Variants in DNAH7 observed in about 807,000 individuals in gnomAD.
DNAH7 encodes the protein dynein axonemal heavy chain 7.
DNAH7 carries 397 observed loss-of-function variants against 444.6 expected under a neutral mutation model. The ratio of observed to expected loss-of-function variants is 0.89; its 90% confidence interval spans 0.82 to 0.97. The LOEUF is 0.97. Ranked by LOEUF, DNAH7 falls within the 50% of genes least tolerant of loss-of-function variation. DNAH7 has a pLI of 0.00. For synonymous variants in DNAH7, 1,636 were observed against 1,624.4 expected (o/e 1.01, Z -0.17); for missense variants, 4,902 against 4,800.8 (o/e 1.02, Z -0.62).
intron 54 of DNAH7, among the ~76,000 whole-genome samples, chr2:195,801,973 G>T (rs1696483042): frequency 6.6e-6 from 1 of 152,118 alleles, no homozygotes; most frequent in Non-Finnish European, 1.5e-5. Context: ...ATGCCTGATA[G>T]CATGGACCTA....
chr2:195,873,773 A>T, intron 38 of DNAH7, 79 bp from the exon 39 acceptor site: 2 of 1,113,320 alleles, frequency 1.8e-6, no homozygotes, highest in Non-Finnish European at 2.4e-6. Flanking sequence ...TATAGTTTAA[A>T]GTAACTTGAA....
chr2:195,886,172 C>G lies in DNAH7; in HGVS notation c.5507G>C (p.Arg1836Thr). Residue 1836 changes from arginine (R) to threonine (T), a missense_variant, in exon 34 of 65, where the codon AGA (arginine) becomes ACA (threonine). By Grantham distance (71) the Arg-to-Thr change is moderately conservative. Transcript: ENST00000312428. ...DFADEVKLKE[R>T]NDRETYSLLE... The stretch of plus-strand genomic sequence containing the variant: ...CAAAGAGTAAGTTTCTCGATCATTT[C>G]TCTCCTTTAGTTTGACTTCATCAGC... The G allele has an allele frequency of 6.2e-7, 1 of 1,613,668 alleles. No homozygotes were observed. The highest frequency in any genetic ancestry group is 8.5e-7 in the Non-Finnish European group (1 of 1,179,824).
At chr2:195,942,388 G>C (rs376127628) in intron 19 of DNAH7, among the ~76,000 whole-genome samples, 1 of 150,190 alleles carries the variant, frequency 6.7e-6, no homozygotes, top group Non-Finnish European at 1.5e-5. Context: ...AAGGAGAAGA[G>C]GAAGAAGGAA....
chr2:195,966,901 C>A (rs972552586), intron 17 of DNAH7, among the ~76,000 whole-genome samples: 5 of 151,868 alleles, frequency 3.3e-5, no homozygotes, highest in African/African-American at 4.8e-5. Flanking sequence ...TTTAAAAAAA[C>A]CATTTATCCA....
chr2:195,900,287 G>T lies in DNAH7; in HGVS notation c.4543C>A (p.Leu1515Met). 6.2e-7 allele frequency: 1 copy of T among 1,613,826 alleles called. No individual in the cohort carries two copies. Among genetic ancestry groups the T allele is most frequent in the Non-Finnish European group, 8.5e-7 (1 of 1,179,774 alleles). ...AGAAATATTGTGTTCTCTACCTTCAGATTCCCAGCAGCAGTAAGAACTGAC... is the reference window on the plus strand; with the variant it reads ...AGAAATATTGTGTTCTCTACCTTCATATTCCCAGCAGCAGTAAGAACTGAC... Reference protein sequence around the residue: ...VKSVLTAAGNLKLKYPNENEE... With the variant: ...VKSVLTAAGNMKLKYPNENEE... The change falls in exon 28 of 65, where the codon CTG (leucine) becomes ATG (methionine). Residue 1515 changes from leucine to methionine, a missense_variant. By Grantham distance (15) the Leu-to-Met change is conservative. Transcript: ENST00000312428.
chr2:195,751,387 A>T (rs537286348), intron 63 of DNAH7, among the ~76,000 whole-genome samples: 1 of 152,288 alleles, frequency 6.6e-6, no homozygotes, highest in East Asian at 1.9e-4. Flanking sequence ...TTCCGGTAGC[A>T]TAATTTTTGA....
chr2:195,873,116 T>C (rs542750753), intron 39 of DNAH7, among the ~76,000 whole-genome samples: 1 of 152,332 alleles, frequency 6.6e-6, no homozygotes, highest in African/African-American at 2.4e-5. Flanking sequence ...AGAATGGGCA[T>C]GGGCACACAG....
intron 39 of DNAH7, 97 bp from the exon 40 acceptor site, chr2:195,872,566 T>C: frequency 1.5e-6 from 1 of 674,270 alleles, no homozygotes; most frequent in Non-Finnish European, 2.3e-6. Context: ...AAAATTTTAA[T>C]TTTGATTAAA....
chr2:195,787,273 G>T, intron 57 of DNAH7, 102 bp from the exon 58 acceptor site: 2 of 1,226,656 alleles, frequency 1.6e-6, no homozygotes, highest in Non-Finnish European at 2.2e-6. Flanking sequence ...TTTATAAATA[G>T]CATAGGGACA....
intron 30 of DNAH7, chr2:195,892,357 A>T (rs1268232128): frequency 6.6e-6 from 1 of 152,186 alleles, no homozygotes; most frequent in Non-Finnish European, 1.5e-5. Context: ...ATCTAAATAT[A>T]CAGAAATGTC....
chr2:195,794,794 A>G (rs879660306), intron 56 of DNAH7, among the ~76,000 whole-genome samples: 1 of 152,220 alleles, frequency 6.6e-6, no homozygotes, highest in Non-Finnish European at 1.5e-5. Context: ...CAAAAGTGCT[A>G]TATAATTTAG....
intron 19 of DNAH7, among the ~76,000 whole-genome samples, chr2:195,951,570 C>A (rs937252491): frequency 6.6e-6 from 1 of 151,958 alleles, no homozygotes; most frequent in African/African-American, 2.4e-5. Context: ...TGTGGGAGTC[C>A]AAGTCTCTTC....
At chr2:195,776,245 A>C (rs1695054396) in intron 59 of DNAH7, among the ~76,000 whole-genome samples, 1 of 152,102 alleles carries the variant, frequency 6.6e-6, no homozygotes, top group Non-Finnish European at 1.5e-5. Flanking sequence ...GGAGTTTGAG[A>C]CCAGCCTGAC....
intron 57 of DNAH7, 24 bp downstream of exon 57, chr2:195,794,314 T>C (rs1402502053): frequency 1.2e-6 from 2 of 1,613,070 alleles, no homozygotes; most frequent in Admixed American, 1.7e-5. Context: ...AGGGCCGAGG[T>C]AACAAGACTT....
At chr2:195,927,409 G>T (rs995488977) in intron 21 of DNAH7, among the ~76,000 whole-genome samples, 4 of 152,116 alleles carry the variant, frequency 2.6e-5, no homozygotes, top group African/African-American at 9.7e-5. Flanking sequence ...ATGATAAAGG[G>T]CAGAATGCTG....
chr2:195,913,772 T>A (rs1282360541), intron 24 of DNAH7, among the ~76,000 whole-genome samples: 1 of 152,202 alleles, frequency 6.6e-6, no homozygotes, highest in African/African-American at 2.4e-5. Flanking sequence ...TGGAGTGCAG[T>A]GGCGCAATCT....
intron 1 of DNAH7, chr2:196,063,517 G>A (rs1031338333): frequency 6.6e-6 from 1 of 152,226 alleles, no homozygotes; most frequent in Non-Finnish European, 1.5e-5. Flanking sequence ...CTGCCCAACT[G>A]AATTTGTTGC....
rs1559059492 is a variant in DNAH7, at chr2:195,738,081, CTT to C, written c.11913_11914del (p.Ser3972LeufsTer7). 3.7e-6 allele frequency: 6 copies of C among 1,613,976 alleles called. No individual in the cohort carries two copies. The highest frequency in any genetic ancestry group is 2.2e-5 in the East Asian group (1 of 44,876). ...TGTCTTATACAATGGAGCAACATAA[CTT>C]GGCCGTTTTGGTATATCTGCCCTCT... On this transcript the variant is annotated frameshift_variant, in exon 65 of 65. Transcript: ENST00000312428. LOFTEE classifies it low-confidence loss of function (END_TRUNC).
chr2:196,035,514 T>C (rs906662847), intron 5 of DNAH7, among the ~76,000 whole-genome samples: 2 of 152,074 alleles, frequency 1.3e-5, no homozygotes, highest in African/African-American at 2.4e-5. Context: ...CTCTCAAGGA[T>C]GATTGTATGA....
Sources: allele counts gnomAD v4.1 joint callset (sites outside exome capture counted in the v4.1 genomes callset), GRCh38; gene constraint gnomAD v4.1.1; transcripts MANE v1.5; gene names NCBI Gene and HGNC (gene_info 2026-07-23, HGNC 2026-07-21).